MGA: variants seen among roughly 807,000 people sequenced by gnomAD.
MGA encodes MAX dimerization protein MGA.
A neutral mutation model predicts 261.1 loss-of-function variants in MGA; 40 were observed. The ratio of observed to expected loss-of-function variants is 0.15; its 90% CI spans 0.12 to 0.20. The LOEUF (loss-of-function observed/expected upper bound fraction) is 0.20, where lower values mean the gene tolerates loss of function less well. MGA is among the 10% of genes least tolerant of loss of function. The pLI is 1.00. For missense variants in MGA, 3,397 were observed against 3,630.5 expected (o/e 0.94, Z 1.65); for synonymous variants, 1,302 against 1,290.6 (o/e 1.01, Z -0.19).
At chr15:41,638,203 C>T (rs966856173) in intron 1 of MGA, among the ~76,000 whole-genome samples, 5 of 148,714 alleles carry the variant, frequency 3.4e-5, no homozygotes, top group African/African-American at 7.5e-5. Flanking sequence ...CTGCCATGCC[C>T]GGCTAATTTT....
upstream of MGA, among the ~76,000 whole-genome samples, chr15:41,656,372 C>T (rs1364701231): frequency 7.0e-6 from 1 of 142,764 alleles, no homozygotes. Flanking sequence ...CTCTCTCTCT[C>T]TCTCTCACAC....
intron 5 of MGA, among the ~76,000 whole-genome samples, chr15:41,703,368 A>ACCCCCCCCCCCCC (rs71108121): frequency 1.1e-5 from 1 of 93,250 alleles, no homozygotes; most frequent in Non-Finnish European, 2.1e-5. Context: ...TTGTGAAGTT[A>ACCCCCCCCCCCCC]CCCCCCCCCC....
chr15:41,751,363 A>G (rs948296392), intron 17 of MGA: 51 of 152,218 alleles, frequency 3.4e-4, no homozygotes, highest in African/African-American at 1.2e-3. Flanking sequence ...GCAGAGAGCT[A>G]GATGGCTCTC....
At chr15:41,644,377 C>T (rs1230415472) in intron 1 of MGA, among the ~76,000 whole-genome samples, 2 of 147,714 alleles carry the variant, frequency 1.4e-5, no homozygotes, top group African/African-American at 5.0e-5. Context: ...AAAAGAAGGC[C>T]GGGTGTGGTG....
intron 2 of MGA, chr15:41,691,721 A>G (rs999255487): frequency 2.5e-6 from 1 of 404,102 alleles, no homozygotes; most frequent in Non-Finnish European, 5.5e-6. Context: ...TCAACACTTC[A>G]TGATTGGCGG....
At chr15:41,699,246 C>G in intron 5 of MGA, 87 bp downstream of exon 5, 2 of 859,862 alleles carry the variant, frequency 2.3e-6, no homozygotes. Context: ...TCTTTCTCAT[C>G]TCTTTTTTTC....
Position 41,696,287 on chromosome 15 carries a change from A to G in MGA, c.1277A>G (p.Gln426Arg), listed in dbSNP as rs1595758312. ...GATGATGATCCTATACTAGAGAAACAGCTAAAGAGGCACAATAAAGTTGAC... is the reference window on the plus strand; with the variant it reads ...GATGATGATCCTATACTAGAGAAACGGCTAAAGAGGCACAATAAAGTTGAC... The change falls in exon 3 of 24, where the codon CAG (glutamine) becomes CGG (arginine). Residue 426 changes from glutamine to arginine, a missense_variant. Gln to Arg is a conservative substitution (Grantham distance 43, BLOSUM62 1). Coordinates refer to ENST00000219905, the MANE Select transcript of MGA (RefSeq NM_001164273.2). 1 of 1,613,974 alleles carries G rather than the reference A, an allele frequency of 6.2e-7. No homozygotes were observed. The highest frequency in any genetic ancestry group is 8.5e-7 in the Non-Finnish European group (1 of 1,179,904).
At chr15:41,656,748 T>G (rs2057208763), upstream of MGA, among the ~76,000 whole-genome samples, 1 of 152,062 alleles carries the variant, frequency 6.6e-6, no homozygotes, top group Admixed American at 6.6e-5. Flanking sequence ...GCTTTTAATA[T>G]TACTATGCTG....
intron 5 of MGA, among the ~76,000 whole-genome samples, chr15:41,707,065 A>G (rs1417430958): frequency 1.3e-5 from 2 of 152,222 alleles, no homozygotes; most frequent in Non-Finnish European, 2.9e-5. Flanking sequence ...AGCTTAGTCT[A>G]TGGTGAGTTT....
chr15:41,699,290 ATT>A, intron 5 of MGA, 131 bp downstream of exon 5: 1 of 594,872 alleles, frequency 1.7e-6, no homozygotes, highest in Non-Finnish European at 2.8e-6. Context: ...CCTTGATTTC[ATT>A]TCTTTCAGCA....
Position 41,729,345 on chromosome 15 carries a change from C to T in MGA, c.3839C>T (p.Ala1280Val). The T allele has an allele frequency of 6.2e-7, 1 of 1,607,338 alleles. No individual in the cohort carries two copies. The highest frequency in any genetic ancestry group is 1.1e-5 in the South Asian group (1 of 90,020). Residue 1280 changes from alanine to valine, a missense_variant, in exon 11 of 24, where the codon GCA becomes GTA. This residue lies in a region of MGA where 1,410 missense variants were observed against 1,386.4 expected (regional missense o/e 1.02). Coordinates refer to ENST00000219905, the MANE Select transcript of MGA (RefSeq NM_001164273.2). Reference sequence around the variant, plus strand: ...TCTAGCCCTGAGAACCATAATAATGCAAAGGTGAGTTTCTTGTTGCATAAG... The same window carrying T: ...TCTAGCCCTGAGAACCATAATAATGTAAAGGTGAGTTTCTTGTTGCATAAG...
rs956391358 is a variant in MGA at position 41,750,739 on chromosome 15, A to T, written c.7008+124A>T. 5 of 844,842 alleles carry T rather than the reference A, an allele frequency of 5.9e-6. No homozygotes were observed. In the Admixed American group the frequency reaches 1.2e-4, roughly 20 times the overall value. 52.3% of individuals were successfully genotyped at this position (844,842 alleles called of 1,614,324 possible). A position where few individuals can be genotyped will look rare whatever the true frequency, so the allele number is the denominator to read the frequency against. On this transcript the variant is annotated intron_variant, in intron 17 of 23. Transcript: ENST00000219905. Reference sequence around the variant, plus strand: ...TAATTGGATGCCTAGGTTTAAGATTATGACTTAAATGGCTTAGTAGTTCTT... The same window carrying T: ...TAATTGGATGCCTAGGTTTAAGATTTTGACTTAAATGGCTTAGTAGTTCTT...
At chr15:41,723,425 TA>T (rs1316721739) in intron 9 of MGA, among the ~76,000 whole-genome samples, 2 of 152,152 alleles carry the variant, frequency 1.3e-5, no homozygotes, top group Non-Finnish European at 2.9e-5. Flanking sequence ...TATTTACATA[TA>T]TTTTTGAGAG....
chr15:41,749,721 A>G lies in MGA; in HGVS notation c.6114A>G (p.Pro2038=), dbSNP rs2062726823. 6.2e-7 allele frequency: 1 copy of G among 1,614,038 alleles called. No individual in the cohort carries two copies. Among genetic ancestry groups the G allele is most frequent in the Non-Finnish European group, 8.5e-7 (1 of 1,179,890 alleles). Residue 2038 remains proline, a synonymous_variant, in exon 17 of 24, where the codon CCA becomes CCG. Transcript: ENST00000219905. ...ATCATTTGGATGAAGAATGCCTTCC[A>G]GAAGAAGGTTGTGCAACTGTCAAAC...
Position 41,766,933 on chromosome 15 carries a change from ACT to A in MGA, c.8852_8853del (p.Thr2951IlefsTer47). ...GAAAGCTATTGATGGAGGGAAGAATACTTCTGGCCTCCCTGCAGAGCCCGAAA... is the reference window on the plus strand; with the variant it reads ...GAAAGCTATTGATGGAGGGAAGAATATCTGGCCTCCCTGCAGAGCCCGAAA... On this transcript the variant is annotated frameshift_variant, in exon 24 of 24. Coordinates refer to ENST00000219905, the MANE Select transcript of MGA (RefSeq NM_001164273.2). LOFTEE classifies it high-confidence loss of function. The A allele has an allele frequency of 1.2e-6, 2 of 1,613,984 alleles. No individual in the cohort carries two copies. Among genetic ancestry groups the A allele is most frequent in the Non-Finnish European group, 1.7e-6 (2 of 1,179,866 alleles).
chr15:41,653,970 G>A (rs2057117306), intron 1 of MGA, among the ~76,000 whole-genome samples: 1 of 152,156 alleles, frequency 6.6e-6, no homozygotes, highest in African/African-American at 2.4e-5. Flanking sequence ...TTGCCCCACC[G>A]TAAAGGATTT....
rs573394831 is a variant in MGA at position 41,720,161 on chromosome 15, TA to T, written c.3430+6666del. On this transcript the variant is annotated intron_variant, in intron 9 of 23. Transcript: ENST00000219905. ...GTGGCAGAATGGAAGGATTTTATTG[TA>T]TGTCAAGAGTTACAAAATTACCACG... is the stretch of plus-strand genomic sequence containing the variant. Among the ~76,000 whole-genome samples the T allele has an allele frequency of 1.6e-4, 25 of 152,296 alleles. No homozygotes were observed. In the South Asian group the frequency reaches 4.6e-3, roughly 28 times the overall value.
chr15:41,658,457 TAAA>T (rs1012327663), upstream of MGA, among the ~76,000 whole-genome samples: 7 of 151,904 alleles, frequency 4.6e-5, no homozygotes, highest in African/African-American at 7.2e-5. Flanking sequence ...AAACAAAAAA[TAAA>T]AAAGAAAAAC....
Position 41,750,543 on chromosome 15 carries a change from T to G in MGA, c.6936T>G (p.Thr2312=). ...ATGATGAAGATGATAATGAGAAAACTGATGATTCTATTGATGAAATTGTGG... is the reference window on the plus strand; with the variant it reads ...ATGATGAAGATGATAATGAGAAAACGGATGATTCTATTGATGAAATTGTGG... The change falls in exon 17 of 24, where the codon ACT becomes ACG. Residue 2312 remains threonine, a synonymous_variant. Transcript: ENST00000219905. The G allele has an allele frequency of 6.2e-7, 1 of 1,612,834 alleles. No homozygotes were observed. Among genetic ancestry groups the G allele is most frequent in the Non-Finnish European group, 8.5e-7 (1 of 1,179,300 alleles).
Sources: allele counts gnomAD v4.1 joint callset (sites outside exome capture counted in the v4.1 genomes callset), GRCh38; gene constraint gnomAD v4.1.1; regional missense constraint gnomAD v4.1.1; transcripts MANE v1.5; gene names NCBI Gene and HGNC (gene_info 2026-07-23, HGNC 2026-07-21).